The following TRIM16 variants were observed in gnomAD, a reference collection of about 807,000 sequenced individuals.
TRIM16 encodes tripartite motif-containing protein 16.
Under a neutral mutation model 50.4 loss-of-function variants are expected in TRIM16, and 33 were observed. That is an observed-to-expected ratio of 0.65 (90% CI 0.50 to 0.88). The LOEUF (loss-of-function observed/expected upper bound fraction) is 0.88, where lower values mean the gene tolerates loss of function less well. TRIM16 is among the 40% of genes least tolerant of loss of function. TRIM16 has a pLI of 0.00. For synonymous variants in TRIM16, 229 were observed against 270.7 expected, an observed-to-expected ratio of 0.85 and a Z score of 1.51; for missense variants, 581 against 686.8, an observed-to-expected ratio of 0.85 and a Z score of 1.72.
chr17:15,637,118 G>T (rs1241911026), intron 8 of TRIM16, among the ~76,000 whole-genome samples: 3 of 127,042 alleles, frequency 2.4e-5, no homozygotes, highest in Non-Finnish European at 3.3e-5. Context: ...AGGGAGGTGG[G>T]GGGGGGGGGT....
Sources: gnomAD v4.1 joint callset for allele counts (sites outside exome capture counted in the v4.1 genomes callset) on GRCh38, gnomAD v4.1.1 for gene constraint, MANE v1.5 for transcripts, NCBI Gene and HGNC (gene_info 2026-07-23, HGNC 2026-07-21) for gene names.